Variants in CDH18 observed in about 807,000 individuals in gnomAD.
CDH18 encodes the protein cadherin 18.
In CDH18, 31 loss-of-function variants were observed where a neutral mutation model predicts 67.9. The ratio of observed to expected loss-of-function variants is 0.46; its 90% CI spans 0.34 to 0.62. CDH18 has a LOEUF of 0.62. Among genes scored for constraint, CDH18 ranks in the 20% least tolerant of loss-of-function variants. CDH18 has a pLI of 0.01. For missense variants in CDH18, 890 were observed against 975.5 expected (o/e 0.91, Z 1.17); for synonymous variants, 362 against 347.2 (o/e 1.04, Z -0.48).
At chr5:19,495,970 T>C (rs1029980008) in intron 11 of CDH18, among the ~76,000 whole-genome samples, 7 of 152,058 alleles carry the variant, frequency 4.6e-5, no homozygotes, top group Non-Finnish European at 8.8e-5. Context: ...TACAATTAAA[T>C]TGGAAATTGA....
chr5:20,527,515 TGA>T (rs1756143840), intron 1 of CDH18, among the ~76,000 whole-genome samples: 1 of 151,830 alleles, frequency 6.6e-6, no homozygotes, highest in Non-Finnish European at 1.5e-5. Flanking sequence ...GAAAGAAAGG[TGA>T]GGTTACCTAC....
chr5:19,937,863 G>T (rs1002730088), intron 2 of CDH18, among the ~76,000 whole-genome samples: 1 of 150,032 alleles, frequency 6.7e-6, no homozygotes, highest in Non-Finnish European at 1.5e-5. Context: ...CTTTATTGGT[G>T]GCTTGTAACA....
chr5:19,831,654 A>G (rs1781043373), intron 3 of CDH18, among the ~76,000 whole-genome samples: 1 of 152,078 alleles, frequency 6.6e-6, no homozygotes, highest in Non-Finnish European at 1.5e-5. Context: ...TCTTGGTGGG[A>G]ATGTTAATTA....
intron 4 of CDH18, among the ~76,000 whole-genome samples, chr5:19,737,141 AC>A (rs1321578614): frequency 6.6e-6 from 1 of 151,952 alleles, no homozygotes; most frequent in African/African-American, 2.4e-5. Flanking sequence ...TTCTACCTTC[AC>A]AGTGTTTTTT....
intron 11 of CDH18, among the ~76,000 whole-genome samples, chr5:19,493,537 GGTGTGTGTGT>G (rs67879363): frequency 6.8e-6 from 1 of 147,938 alleles, no homozygotes; most frequent in Non-Finnish European, 1.5e-5. Context: ...AGGGAATTGG[GGTGTGTGTGT>G]GTGTGTGTGT....
At chr5:20,308,078 GCT>G (rs1491280720) in intron 1 of CDH18, among the ~76,000 whole-genome samples, 1 of 97,152 alleles carries the variant, frequency 1.0e-5, no homozygotes, top group African/African-American at 5.6e-5. Flanking sequence ...GAATACTACT[GCT>G]TTTTTTTTTT....
chr5:20,522,659 G>A (rs1331157779), intron 1 of CDH18, among the ~76,000 whole-genome samples: 2 of 152,096 alleles, frequency 1.3e-5, no homozygotes, highest in South Asian at 2.1e-4. Context: ...AGGCAAGAGA[G>A]CACCTTGTTT....
Position 20,172,222 on chromosome 5 carries a change from A to ACGTATATATATG in CDH18, c.-518+83221_-518+83222insCATATATATACG, listed in dbSNP as rs1394736159. On this transcript the variant is annotated intron_variant, in intron 2 of 14. Transcript: ENST00000507958. ...TATATATATATATATATATATATAT[A>ACGTATATATATG]TGTATATATATATATATGTATATAT... is the stretch of plus-strand genomic sequence containing the variant. Among the ~76,000 whole-genome samples the ACGTATATATATG allele has an allele frequency of 5.0e-5, 2 of 39,670 alleles. 1 individual carries two copies. The highest frequency in any genetic ancestry group is 1.1e-4 in the Non-Finnish European group (2 of 19,012). 26.0% of individuals were successfully genotyped at this position (39,670 alleles called of 152,430 possible).
chr5:19,718,759 G>T lies in CDH18; in HGVS notation c.643+2588C>A, dbSNP rs1052453740. ...ACTGATATTAACACACATCAAAGTGGAGGCATGTACTTTATTCAATATATT... is the reference window on the plus strand; with the variant it reads ...ACTGATATTAACACACATCAAAGTGTAGGCATGTACTTTATTCAATATATT... On this transcript the variant is annotated intron_variant, in intron 5 of 12. Coordinates refer to ENST00000382275, the MANE Select transcript of CDH18 (RefSeq NM_004934.5). 3.9e-5 allele frequency among the ~76,000 whole-genome samples: 6 copies of T among 152,032 alleles called. No homozygotes were observed. In the East Asian group the frequency reaches 1.2e-3, roughly 29 times the overall value.
chr5:19,845,746 T>C (rs1231403132), intron 2 of CDH18, among the ~76,000 whole-genome samples: 1 of 152,014 alleles, frequency 6.6e-6, no homozygotes, highest in Non-Finnish European at 1.5e-5. Flanking sequence ...CATTTATAAT[T>C]ATATAATGCC....
At chr5:19,529,068 A>T (rs1262735194) in intron 9 of CDH18, among the ~76,000 whole-genome samples, 1 of 151,974 alleles carries the variant, frequency 6.6e-6, no homozygotes, top group Non-Finnish European at 1.5e-5. Context: ...AAAATATATA[A>T]AAAAGAAAAT....
chr5:20,515,050 GAA>G (rs145446991), intron 1 of CDH18, among the ~76,000 whole-genome samples: 8,059 of 151,646 alleles, frequency 0.053, 667 homozygotes, highest in African/African-American at 0.18. Context: ...ATCAATAAGA[GAA>G]ACAGCAATAT....
intron 3 of CDH18, among the ~76,000 whole-genome samples, chr5:19,789,148 C>A (rs1161363657): frequency 6.6e-6 from 1 of 152,142 alleles, no homozygotes; most frequent in African/African-American, 2.4e-5. Flanking sequence ...AGGGCAATTG[C>A]CTTTACAAAA....
chr5:20,086,355 G>A (rs1173812659), intron 2 of CDH18, among the ~76,000 whole-genome samples: 2 of 152,234 alleles, frequency 1.3e-5, no homozygotes, highest in Non-Finnish European at 2.9e-5. Context: ...AAGTGAGCTA[G>A]CAAGTGCTGA....
intron 2 of CDH18, among the ~76,000 whole-genome samples, chr5:20,043,725 G>A (rs535044514): frequency 2.6e-5 from 4 of 152,146 alleles, no homozygotes; most frequent in Non-Finnish European, 4.4e-5. Flanking sequence ...TGGATTCTGT[G>A]ACTTGGAAAC....
intron 8 of CDH18, among the ~76,000 whole-genome samples, chr5:19,551,839 T>G (rs374374187): frequency 2.0e-5 from 3 of 152,162 alleles, no homozygotes; most frequent in Non-Finnish European, 4.4e-5. Flanking sequence ...TCTGAAAATT[T>G]TGTCAGAAAA....
At chr5:19,684,767 TA>T (rs1161801802) in intron 5 of CDH18, among the ~76,000 whole-genome samples, 1 of 152,076 alleles carries the variant, frequency 6.6e-6, no homozygotes, top group Non-Finnish European at 1.5e-5. Flanking sequence ...CCTTAAAGAA[TA>T]AATAATATTT....
At chr5:20,511,803 A>G (rs1479344752) in intron 1 of CDH18, among the ~76,000 whole-genome samples, 2 of 152,108 alleles carry the variant, frequency 1.3e-5, no homozygotes, top group African/African-American at 2.4e-5. Context: ...GTTCATTCCT[A>G]TACAGTGTTT....
At chr5:20,385,722 C>T (rs926523524) in intron 1 of CDH18, among the ~76,000 whole-genome samples, 18 of 152,124 alleles carry the variant, frequency 1.2e-4, no homozygotes, top group African/African-American at 3.9e-4. Context: ...CTCACTTTCT[C>T]TTTGATGTGT....
Sources: allele counts gnomAD v4.1 joint callset (sites outside exome capture counted in the v4.1 genomes callset), GRCh38; gene constraint gnomAD v4.1.1; transcripts MANE v1.5; gene names NCBI Gene and HGNC (gene_info 2026-07-23, HGNC 2026-07-21).